The following DIXDC1 variants were observed in gnomAD, a reference collection of about 807,000 sequenced individuals.
The protein encoded by DIXDC1 is dixin.
In DIXDC1, 64 loss-of-function variants were observed where a neutral mutation model predicts 103.1. The observed-to-expected ratio is 0.62, with a 90% confidence interval of 0.51 to 0.76. The LOEUF is 0.76. Ranked by LOEUF, DIXDC1 falls within the 30% of genes least tolerant of loss-of-function variation. The probability of loss-of-function intolerance (pLI) is 0.00; values close to 1 mark genes in which losing one functional copy is unlikely to be tolerated. For missense variants in DIXDC1, 759 were observed against 834.2 expected (o/e 0.91, Z 1.11); for synonymous variants, 266 against 298.5 (o/e 0.89, Z 1.12).
intron 1 of DIXDC1, among the ~76,000 whole-genome samples, chr11:111,948,970 A>G (rs1555169616): frequency 6.6e-6 from 1 of 151,552 alleles, no homozygotes; most frequent in African/African-American, 2.4e-5. Context: ...ATTTAGCGTC[A>G]TCACTGAATT....
At chr11:111,956,229 G>T (rs782733049) in intron 1 of DIXDC1, among the ~76,000 whole-genome samples, 2 of 152,126 alleles carry the variant, frequency 1.3e-5, no homozygotes, top group Non-Finnish European at 2.9e-5. Context: ...AGTGGAGGGG[G>T]AATTTCAGAG....
At position 111,982,435 on chromosome 11, in the gene DIXDC1, A is replaced by G. The variant is rs1860341139; in HGVS notation, c.866A>G (p.Glu289Gly). 6.2e-7 allele frequency: 1 copy of G among 1,613,754 alleles called. No homozygotes were observed. Among genetic ancestry groups the G allele is most frequent in the Admixed American group, 1.7e-5 (1 of 59,984 alleles). Residue 289 changes from glutamate to glycine, a missense_variant, in exon 7 of 20, where the codon GAA becomes GGA. This residue lies in a region of DIXDC1 where 657 missense variants were observed against 727.5 expected (regional missense o/e 0.90). Coordinates refer to ENST00000440460, the MANE Select transcript of DIXDC1 (RefSeq NM_001037954.4). ...GAAGAACAGCTGTTGGAACAACAAG[A>G]ATATTTAGAAAAAGAAATGGAGGAA... ...SWEEQLLEQQEYLEKEMEEAK... is the reference protein window; with the variant it reads ...SWEEQLLEQQGYLEKEMEEAK...
intron 17 of DIXDC1, among the ~76,000 whole-genome samples, chr11:112,014,463 C>A (rs781973467): frequency 2.0e-5 from 3 of 152,322 alleles, no homozygotes; most frequent in Non-Finnish European, 2.9e-5. Flanking sequence ...CTTCCCTCTT[C>A]TTGGAATACT....
chr11:111,937,335 A>T (rs1168594218), upstream of DIXDC1: 11 of 1,415,166 alleles, frequency 7.8e-6, no homozygotes, highest in Non-Finnish European at 1.0e-5. Context: ...TGCCCAGTGC[A>T]AGCCGCTAGT....
upstream of DIXDC1, among the ~76,000 whole-genome samples, chr11:111,933,232 G>A (rs1253128290): frequency 6.6e-6 from 1 of 152,008 alleles, no homozygotes; most frequent in Non-Finnish European, 1.5e-5. Flanking sequence ...AGGTTCAAGC[G>A]ATTCTTCTGC....
At position 111,958,561 on chromosome 11, in the gene DIXDC1, C is replaced by G. The variant is rs1302859542; in HGVS notation, c.61-5988C>G. Among the ~76,000 whole-genome samples, 1 of 152,192 alleles carries G rather than the reference C, an allele frequency of 6.6e-6. No individual in the cohort carries two copies. The highest frequency in any genetic ancestry group is 1.5e-5 in the Non-Finnish European group (1 of 68,024). ...GGTGCCGAAAAGCACCAGAGGGAGG[C>G]TGAGGGGATGGTGTGGGCAGCTCAG... On this transcript the variant is annotated intron_variant, in intron 1 of 19. Coordinates refer to ENST00000440460, the MANE Select transcript of DIXDC1 (RefSeq NM_001037954.4). The surrounding 1 kb of genome is among the most constrained non-coding windows in gnomAD (Gnocchi z 4.2).
intron 11 of DIXDC1, 39 bp from the exon 12 acceptor site, chr11:111,992,912 C>A (rs1555174703): frequency 1.3e-6 from 2 of 1,579,230 alleles, no homozygotes; most frequent in Non-Finnish European, 1.7e-6. Flanking sequence ...GGTTAGCAGG[C>A]AGTACCTGCG....
At chr11:112,012,878 T>C (rs1245556016) in intron 17 of DIXDC1, among the ~76,000 whole-genome samples, 1 of 152,230 alleles carries the variant, frequency 6.6e-6, no homozygotes, top group Non-Finnish European at 1.5e-5. Context: ...ATCAATGATA[T>C]TTTTACCAAA....
intron 1 of DIXDC1, among the ~76,000 whole-genome samples, chr11:111,963,737 T>C (rs1250218741): frequency 1.3e-5 from 2 of 152,188 alleles, no homozygotes; most frequent in Admixed American, 1.3e-4. Flanking sequence ...CAAAATGTAA[T>C]ATGTAAGGTT....
intron 17 of DIXDC1, among the ~76,000 whole-genome samples, chr11:112,005,541 A>T (rs57398568): frequency 0.035 from 5,315 of 151,932 alleles, 327 homozygotes; most frequent in African/African-American, 0.12. Flanking sequence ...ACAAAAAAAT[A>T]AAAAAAATTA....
At chr11:111,996,037 TC>T in intron 16 of DIXDC1, 42 bp from the exon 17 acceptor site, 1 of 1,591,470 alleles carries the variant, frequency 6.3e-7, no homozygotes, top group Non-Finnish European at 8.6e-7. Flanking sequence ...GGTTAAGTTC[TC>T]TCATTGATCA....
chr11:112,015,799 C>CTTTTT (rs782121271), intron 17 of DIXDC1, among the ~76,000 whole-genome samples: 37 of 47,016 alleles, frequency 7.9e-4, no homozygotes, highest in South Asian at 1.6e-3. Flanking sequence ...GAGACCCTGT[C>CTTTTT]TTTTTTTTTT....
At chr11:111,997,627 GATTATT>G (rs1276554231) in intron 17 of DIXDC1, among the ~76,000 whole-genome samples, 83 of 152,172 alleles carry the variant, frequency 5.5e-4, no homozygotes, top group Non-Finnish European at 1.0e-3. Flanking sequence ...GTTTGTAGAG[GATTATT>G]ATTATTATTT....
chr11:111,936,612 G>T (rs1421968502), upstream of DIXDC1, among the ~76,000 whole-genome samples: 6 of 152,196 alleles, frequency 3.9e-5, no homozygotes, highest in African/African-American at 1.4e-4. Context: ...TATTGAATGT[G>T]TTCTGATACC....
Position 112,020,544 on chromosome 11 carries a change from G to A in DIXDC1, c.*1508G>A, listed in dbSNP as rs1861724869. 6.6e-6 allele frequency: 1 copy of A among 152,232 alleles called. No homozygotes were observed. The highest frequency in any genetic ancestry group is 1.5e-5 in the Non-Finnish European group (1 of 68,024). The allele number at this position is 152,232 out of a possible 1,614,324, so 9.4% of individuals were successfully genotyped here. A position where few individuals can be genotyped will look rare whatever the true frequency, so the allele number is the denominator to read the frequency against. ...GTCTATTTTTATAACTGGAGTGTGAGTTCTGTATCTTCTCACATTCTGTAT... is the reference window on the plus strand; with the variant it reads ...GTCTATTTTTATAACTGGAGTGTGAATTCTGTATCTTCTCACATTCTGTAT... On this transcript the variant is annotated 3_prime_UTR_variant, in exon 20 of 20. Transcript: ENST00000440460.
At chr11:111,982,667 T>C (rs1555173386) in intron 7 of DIXDC1, among the ~76,000 whole-genome samples, 180 bp downstream of exon 7, 1 of 152,214 alleles carries the variant, frequency 6.6e-6, no homozygotes, top group Non-Finnish European at 1.5e-5. Context: ...TTAAATGGAC[T>C]TTGTGGGCTA....
Position 111,977,120 on chromosome 11 carries a change from C to T in DIXDC1, c.656+2137C>T. On this transcript the variant is annotated intron_variant, in intron 5 of 19. Coordinates refer to ENST00000440460, the MANE Select transcript of DIXDC1 (RefSeq NM_001037954.4). This position sits in a 1 kb window ranked among gnomAD's most constrained non-coding sequence, Gnocchi z 6.1. ...ATCCTGAGGCTCCCAATCTCCTCTC[C>T]TCGCATCCCCCAACCCCTCGTCGAC... 3.2e-6 allele frequency: 1 copy of T among 316,680 alleles called. No individual in the cohort carries two copies. Among genetic ancestry groups the T allele is most frequent in the South Asian group, 1.2e-4 (1 of 8,094 alleles). The allele number at this position is 316,680 out of a possible 1,614,324, so 19.6% of individuals were successfully genotyped here. A position where few individuals can be genotyped will look rare whatever the true frequency, so the allele number is the denominator to read the frequency against.
chr11:111,953,947 G>C (rs1966863091), intron 1 of DIXDC1, among the ~76,000 whole-genome samples: 1 of 151,460 alleles, frequency 6.6e-6, no homozygotes, highest in African/African-American at 2.4e-5. Flanking sequence ...GTACTGAGTA[G>C]CTACAGACTT....
intron 1 of DIXDC1, among the ~76,000 whole-genome samples, chr11:111,941,111 C>A (rs1555168804): frequency 1.3e-5 from 2 of 152,162 alleles, no homozygotes; most frequent in African/African-American, 4.8e-5. Context: ...ATGACAGAGA[C>A]CCATCTCTTA....
Sources: gnomAD v4.1 joint callset for allele counts (sites outside exome capture counted in the v4.1 genomes callset) on GRCh38, gnomAD v4.1.1 for gene constraint, gnomAD v4.1.1 regional missense constraint, Gnocchi (gnomAD v3.1) non-coding constraint, MANE v1.5 for transcripts, NCBI Gene and HGNC (gene_info 2026-07-23, HGNC 2026-07-21) for gene names.